Variants in SEC22A observed in about 807,000 individuals in gnomAD.
The protein encoded by SEC22A is SEC22 homolog A, vesicle trafficking protein.
In SEC22A, 22 loss-of-function variants were observed where a neutral mutation model predicts 35.3. The observed-to-expected ratio is 0.62, with a 90% CI of 0.45 to 0.89. The LOEUF (loss-of-function observed/expected upper bound fraction) is 0.89, where lower values mean the gene tolerates loss of function less well. Ranked by LOEUF, SEC22A falls within the 40% of genes least tolerant of loss-of-function variation. The pLI is 0.00. For synonymous variants in SEC22A, 119 were observed against 129.5 expected (o/e 0.92, Z 0.55); for missense variants, 354 against 362.5 (o/e 0.98, Z 0.19).
intron 4 of SEC22A, among the ~76,000 whole-genome samples, chr3:123,226,893 G>A (rs1485743163): frequency 6.6e-6 from 1 of 152,100 alleles, no homozygotes; most frequent in Non-Finnish European, 1.5e-5. Context: ...CTTTGTATAT[G>A]GCTAGGAAAA....
At chr3:123,249,789 G>T (rs545665688) in intron 5 of SEC22A, among the ~76,000 whole-genome samples, 1 of 152,208 alleles carries the variant, frequency 6.6e-6, no homozygotes, top group African/African-American at 2.4e-5. Flanking sequence ...CTCCCAAAGT[G>T]CTGGGATTAC....
intron 4 of SEC22A, among the ~76,000 whole-genome samples, chr3:123,226,094 G>A (rs1214979023): frequency 2.0e-5 from 3 of 152,140 alleles, no homozygotes; most frequent in African/African-American, 7.2e-5. Context: ...TAATCCGTTT[G>A]TCTGATGATG....
At chr3:123,221,015 G>A (rs1331667017) in intron 2 of SEC22A, among the ~76,000 whole-genome samples, 1 of 151,544 alleles carries the variant, frequency 6.6e-6, no homozygotes, top group Non-Finnish European at 1.5e-5. Context: ...CTGGGCAAGA[G>A]TGATAAGACA....
intron 4 of SEC22A, among the ~76,000 whole-genome samples, chr3:123,239,877 A>G (rs975297064): frequency 3.3e-5 from 5 of 152,158 alleles, no homozygotes; most frequent in African/African-American, 9.7e-5. Flanking sequence ...CATTGCATGC[A>G]AGAACTTTTA....
intron 3 of SEC22A, among the ~76,000 whole-genome samples, 175 bp downstream of exon 3, chr3:123,223,897 T>A (rs563505936): frequency 6.6e-6 from 1 of 152,264 alleles, no homozygotes; most frequent in South Asian, 2.1e-4. Flanking sequence ...AGAAAAAAAT[T>A]GTGTTTGAGC....
chr3:123,227,904 G>A (rs533173869), intron 4 of SEC22A, among the ~76,000 whole-genome samples: 8 of 149,054 alleles, frequency 5.4e-5, no homozygotes, highest in South Asian at 2.1e-4. Context: ...AGCTGAGATC[G>A]TACCACTGCA....
At chr3:123,207,595 G>A (rs1350124285) in intron 1 of SEC22A, among the ~76,000 whole-genome samples, 1 of 152,196 alleles carries the variant, frequency 6.6e-6, no homozygotes, top group Non-Finnish European at 1.5e-5. Context: ...GTTTTAAAAA[G>A]TATGGGCCTT....
At chr3:123,235,226 A>G (rs1350670108) in intron 4 of SEC22A, among the ~76,000 whole-genome samples, 1 of 152,174 alleles carries the variant, frequency 6.6e-6, no homozygotes, top group Admixed American at 6.5e-5. Context: ...GAACGACACT[A>G]TTAAGAAAAT....
intron 6 of SEC22A, among the ~76,000 whole-genome samples, chr3:123,260,317 A>C (rs1331733616): frequency 1.4e-4 from 21 of 152,108 alleles, no homozygotes. Flanking sequence ...TAATGAATAG[A>C]ATGGACTGTA....
intron 5 of SEC22A, among the ~76,000 whole-genome samples, chr3:123,256,850 C>T (rs1937743826): frequency 6.6e-6 from 1 of 151,056 alleles, no homozygotes; most frequent in Non-Finnish European, 1.5e-5. Flanking sequence ...AGCTCCACCT[C>T]CCAGGTTCAC....
chr3:123,208,393 G>A (rs1255044545), intron 1 of SEC22A: 1 of 152,108 alleles, frequency 6.6e-6, no homozygotes, highest in East Asian at 1.9e-4. Flanking sequence ...AATTTATTGA[G>A]GTTAAAAGGT....
In SEC22A at chr3:123,273,598, G is replaced by A. The variant is rs1165018891; in HGVS notation, c.*1876G>A. The A allele has an allele frequency of 2.0e-5, 3 of 152,268 alleles. No homozygotes were observed. The highest frequency in any genetic ancestry group is 1.9e-4 in the East Asian group (1 of 5,172). 9.4% of individuals were successfully genotyped at this position (152,268 alleles called of 1,614,324 possible). A position where few individuals can be genotyped will look rare whatever the true frequency, so the allele number is the denominator to read the frequency against. On this transcript the variant is annotated 3_prime_UTR_variant, in exon 7 of 7. Transcript: ENST00000492595. ...GAGACAGGCAGATCACTTGAGACCA[G>A]TAGTTTGAGAATCAGCCTGGCCAAC... is the stretch of plus-strand genomic sequence containing the variant.
rs1937562580 is a variant in SEC22A, at chr3:123,245,951, T to C, written c.594T>C (p.Leu198=). The change falls in exon 5 of 7, where the codon CTT becomes CTC. Residue 198 remains leucine, a synonymous_variant. Coordinates refer to ENST00000492595, the MANE Select transcript of SEC22A (RefSeq NM_012430.5). ...ATLSGIVGFI[L]SLLCGALNLI... is the part of the protein sequence containing the mutation. ...TGTCAGGGATTGTAGGATTTATCCT[T>C]AGTCTTTTATGTGGAGCTCTGAATT... 4 of 1,613,270 alleles carry C rather than the reference T, an allele frequency of 2.5e-6. No homozygotes were observed. Among genetic ancestry groups the C allele is most frequent in the Admixed American group, 1.7e-5 (1 of 59,992 alleles).
intron 6 of SEC22A, among the ~76,000 whole-genome samples, chr3:123,265,862 G>T (rs568339979): frequency 8.9e-4 from 135 of 152,220 alleles, no homozygotes; most frequent in African/African-American, 3.2e-3. Context: ...ACTTGTGTGA[G>T]ATTATTTCTG....
chr3:123,258,943 ATC>A (rs1011568791), intron 5 of SEC22A, among the ~76,000 whole-genome samples: 4 of 152,270 alleles, frequency 2.6e-5, no homozygotes, highest in Non-Finnish European at 4.4e-5. Context: ...TGCATGAGGT[ATC>A]TCTGTTTTTC....
At chr3:123,260,781 A>G (rs1937874361) in intron 6 of SEC22A, among the ~76,000 whole-genome samples, 1 of 151,938 alleles carries the variant, frequency 6.6e-6, no homozygotes, top group Non-Finnish European at 1.5e-5. Flanking sequence ...TTATGTAAAG[A>G]CATTAGACAT....
chr3:123,214,769 TAAGATGCTGAAAA>T (rs1210003931), intron 2 of SEC22A, among the ~76,000 whole-genome samples: 1 of 152,206 alleles, frequency 6.6e-6, no homozygotes, highest in Non-Finnish European at 1.5e-5. Flanking sequence ...ATTTAAACAG[TAAGATGCTGAAAA>T]GACAAATACC....
chr3:123,267,345 GT>G (rs906038374), intron 6 of SEC22A, among the ~76,000 whole-genome samples: 1 of 148,664 alleles, frequency 6.7e-6, no homozygotes, highest in African/African-American at 2.5e-5. Context: ...TTCCATTTCA[GT>G]TTATCTGTAG....
chr3:123,215,018 A>G (rs578165039), intron 2 of SEC22A, among the ~76,000 whole-genome samples: 1 of 151,768 alleles, frequency 6.6e-6, no homozygotes, highest in East Asian at 1.9e-4. Context: ...TTTCCCTTTC[A>G]CTCTTTCGGG....
Sources: allele counts gnomAD v4.1 joint callset (sites outside exome capture counted in the v4.1 genomes callset), GRCh38; gene constraint gnomAD v4.1.1; transcripts MANE v1.5; gene names NCBI Gene and HGNC (gene_info 2026-07-23, HGNC 2026-07-21).